BTBD7: variants seen among roughly 807,000 people sequenced by gnomAD.
The protein encoded by BTBD7 is BTB/POZ domain-containing protein 7.
BTBD7 carries 38 observed loss-of-function variants against 99.9 expected under a neutral mutation model. That is an observed-to-expected ratio of 0.38 (90% CI 0.29 to 0.50). BTBD7 has a LOEUF of 0.50. Among genes scored for constraint, BTBD7 ranks in the 20% least tolerant of loss-of-function variants. The pLI is 0.93. For missense variants in BTBD7, 1,170 were observed against 1,394.6 expected (o/e 0.84, Z 2.57); for synonymous variants, 520 against 511.4 (o/e 1.02, Z -0.23).
chr14:93,331,254 C>T (rs774172113), intron 1 of BTBD7, among the ~76,000 whole-genome samples: 8 of 152,134 alleles, frequency 5.3e-5, no homozygotes, highest in Non-Finnish European at 1.0e-4. Context: ...AAGTAAGCAG[C>T]TCAGCAGTGT....
intron 3 of BTBD7, among the ~76,000 whole-genome samples, chr14:93,292,212 T>A (rs2052865361): frequency 6.6e-6 from 1 of 152,082 alleles, no homozygotes; most frequent in Admixed American, 6.6e-5. Flanking sequence ...AAAACATATA[T>A]TAAAGAATGC....
chr14:93,266,261 T>C (rs2052542466), intron 3 of BTBD7, among the ~76,000 whole-genome samples: 1 of 152,070 alleles, frequency 6.6e-6, no homozygotes, highest in South Asian at 2.1e-4. Flanking sequence ...TGAGCCGTAA[T>C]CAAAGGACTC....
intron 1 of BTBD7, among the ~76,000 whole-genome samples, chr14:93,330,027 G>A (rs1225608612): frequency 6.6e-6 from 1 of 152,054 alleles, no homozygotes; most frequent in Non-Finnish European, 1.5e-5. Flanking sequence ...ACTTTATCCG[G>A]GTCTAAGATC....
rs1019427433 is a variant in BTBD7, at chr14:93,251,585, T to C, written c.1820A>G (p.Asn607Ser). 11 of 1,613,944 alleles carry C rather than the reference T, an allele frequency of 6.8e-6. No homozygotes were observed. The highest frequency in any genetic ancestry group is 4.4e-5 in the South Asian group (4 of 91,052). Residue 607 changes from asparagine to serine, a missense_variant, in exon 8 of 11, where the codon AAT becomes AGT. This residue lies in a region of BTBD7 where 309 missense variants were observed against 342.0 expected (regional missense o/e 0.90). Transcript: ENST00000334746. ...LVRLRMVRMS[N>S]VPDTLYMVNN... ...GACCATGTAGAGCGTGTCTGGCACA[T>C]TGGACATTCTAACCATTCGCAAGCG... is the stretch of plus-strand genomic sequence containing the variant.
intron 3 of BTBD7, chr14:93,288,562 C>G (rs758864821): frequency 9.7e-6 from 8 of 821,176 alleles, no homozygotes; most frequent in East Asian, 9.7e-5. Flanking sequence ...GGACTTTGTT[C>G]TTTTTGCTCT....
At chr14:93,265,092 C>T (rs2052527629) in intron 3 of BTBD7, among the ~76,000 whole-genome samples, 1 of 152,164 alleles carries the variant, frequency 6.6e-6, no homozygotes, top group Admixed American at 6.6e-5. Flanking sequence ...CAAAGCAAGA[C>T]TCCGTCTCAA....
At chr14:93,245,172 A>G (rs2052290055) in intron 10 of BTBD7, among the ~76,000 whole-genome samples, 1 of 152,114 alleles carries the variant, frequency 6.6e-6, no homozygotes, top group African/African-American at 2.4e-5. Flanking sequence ...AAAAAAAAAA[A>G]AAAAACTTTT....
At chr14:93,323,977 CAT>C (rs1227260804) in intron 1 of BTBD7, among the ~76,000 whole-genome samples, 1 of 152,118 alleles carries the variant, frequency 6.6e-6, no homozygotes, top group Non-Finnish European at 1.5e-5. Flanking sequence ...ACCATACAGT[CAT>C]GTAGAGGAGT....
At chr14:93,272,104 G>A (rs368629196) in intron 3 of BTBD7, among the ~76,000 whole-genome samples, 1 of 151,996 alleles carries the variant, frequency 6.6e-6, no homozygotes, top group South Asian at 2.1e-4. Context: ...GGATCACCAG[G>A]TCAGGAGTTT....
At position 93,242,745 on chromosome 14, in the gene BTBD7, T is replaced by G. The variant is rs1319904023; in HGVS notation, c.2927A>C (p.Asp976Ala). 6.2e-7 allele frequency: 1 copy of G among 1,614,058 alleles called. No homozygotes were observed. Among genetic ancestry groups the G allele is most frequent in the Non-Finnish European group, 8.5e-7 (1 of 1,180,046 alleles). Residue 976 changes from aspartate to alanine, a missense_variant, in exon 11 of 11, where the codon GAT becomes GCT. Physicochemically the swap from Asp to Ala is moderately radical, Grantham distance 126 (BLOSUM62 -2). Around this residue, in one of 4 missense-constraint regions of BTBD7, gnomAD observed 495 missense variants for 525.9 expected, o/e 0.94. Coordinates refer to ENST00000334746, the MANE Select transcript of BTBD7 (RefSeq NM_001002860.4). ...SPSQGGYFGP[D>A]LYSHNKASPS... ...TGATGCCTTATTGTGGCTGTACAGA[T>G]CGGGACCAAAATATCCACCTTGCGA... is the stretch of plus-strand genomic sequence containing the variant.
chr14:93,330,405 C>T (rs2053388368), intron 1 of BTBD7, among the ~76,000 whole-genome samples: 1 of 152,164 alleles, frequency 6.6e-6, no homozygotes, highest in Non-Finnish European at 1.5e-5. Flanking sequence ...GCTACAATCT[C>T]TCGGTAAATC....
At chr14:93,247,819 T>C (rs576099747) in intron 9 of BTBD7, among the ~76,000 whole-genome samples, 2 of 152,368 alleles carry the variant, frequency 1.3e-5, no homozygotes, top group Non-Finnish European at 2.9e-5. Context: ...TGCTTTTGTA[T>C]CTAATAATTA....
intron 1 of BTBD7, 115 bp downstream of exon 1, chr14:93,332,705 G>A (rs2053461819): frequency 8.4e-6 from 11 of 1,311,404 alleles, no homozygotes; most frequent in Non-Finnish European, 1.1e-5. Flanking sequence ...CGGCGGCTTG[G>A]CCCCAGCCCC....
chr14:93,268,418 A>G (rs1185783008), intron 3 of BTBD7, among the ~76,000 whole-genome samples: 1 of 152,230 alleles, frequency 6.6e-6, no homozygotes, highest in Non-Finnish European at 1.5e-5. Context: ...GCCCCATCTT[A>G]TCTGATTCTA....
At chr14:93,243,973 G>T in intron 10 of BTBD7, 1 of 192,216 alleles carries the variant, frequency 5.2e-6, no homozygotes, top group South Asian at 8.6e-5. Context: ...CTAAGAAGGC[G>T]AGAAAGGCTT....
rs536026396 is a variant in BTBD7, at chr14:93,254,961, G to C, written c.1609-1171C>G. On this transcript the variant is annotated intron_variant, in intron 6 of 10. Transcript: ENST00000334746. ...GGGTTCAATTTGATTTGAGTCCCAG[G>C]TTTTAAACAAAACCAAAAGTTGTTT... Among the ~76,000 whole-genome samples the C allele has an allele frequency of 3.3e-5, 5 of 152,084 alleles. No individual in the cohort carries two copies. The East Asian group carries it at 7.7e-4, about 23-fold the overall frequency.
chr14:93,249,694 CTG>C (rs1321357194), intron 8 of BTBD7, among the ~76,000 whole-genome samples: 1 of 152,154 alleles, frequency 6.6e-6, no homozygotes, highest in Non-Finnish European at 1.5e-5. Flanking sequence ...GCAACAGAGA[CTG>C]TATGGCCTAC....
chr14:93,260,739 G>A (rs2052478218), intron 5 of BTBD7, among the ~76,000 whole-genome samples: 1 of 151,904 alleles, frequency 6.6e-6, no homozygotes, highest in South Asian at 2.1e-4. Flanking sequence ...TTTTAGTAGA[G>A]ACAGGGTTTC....
At chr14:93,297,727 G>T (rs953486730) in intron 1 of BTBD7, among the ~76,000 whole-genome samples, 2 of 152,156 alleles carry the variant, frequency 1.3e-5, no homozygotes, top group Non-Finnish European at 2.9e-5. Flanking sequence ...GAAAATAAGG[G>T]CCTGGAGGCC....
Sources: allele counts gnomAD v4.1 joint callset (sites outside exome capture counted in the v4.1 genomes callset), GRCh38; gene constraint gnomAD v4.1.1; regional missense constraint gnomAD v4.1.1; transcripts MANE v1.5; gene names NCBI Gene and HGNC (gene_info 2026-07-23, HGNC 2026-07-21).